KIF26B: variants seen among roughly 807,000 people sequenced by gnomAD.
KIF26B encodes kinesin-like protein KIF26B.
A neutral mutation model predicts 151.2 loss-of-function variants in KIF26B; 63 were observed. The ratio of observed to expected loss-of-function variants is 0.42; its 90% CI spans 0.34 to 0.51. The LOEUF is 0.51. KIF26B is among the 20% of genes least tolerant of loss of function. The pLI is 0.07. For missense variants in KIF26B, 2,813 were observed against 2,913.6 expected, an observed-to-expected ratio of 0.97 and a Z score of 0.79; for synonymous variants, 1,357 against 1,262.1, an observed-to-expected ratio of 1.08 and a Z score of -1.59.
At chr1:245,346,445 C>T (rs1222240154) in intron 2 of KIF26B, among the ~76,000 whole-genome samples, 1 of 152,142 alleles carries the variant, frequency 6.6e-6, no homozygotes, top group Non-Finnish European at 1.5e-5. Context: ...CATCTCTGGC[C>T]ACCAGATCAT....
chr1:245,653,969 G>C (rs2044047202), intron 10 of KIF26B, among the ~76,000 whole-genome samples: 1 of 152,110 alleles, frequency 6.6e-6, no homozygotes, highest in Non-Finnish European at 1.5e-5. Flanking sequence ...AGGCTGAGGT[G>C]GAAGGATCGC....
At chr1:245,632,018 T>C (rs1015495660) in intron 9 of KIF26B, among the ~76,000 whole-genome samples, 4 of 152,134 alleles carry the variant, frequency 2.6e-5, no homozygotes, top group African/African-American at 9.6e-5. Flanking sequence ...TGATCCTTTG[T>C]AATTTTTGTG....
At chr1:245,328,252 G>A (rs1672033628) in intron 2 of KIF26B, among the ~76,000 whole-genome samples, 1 of 151,220 alleles carries the variant, frequency 6.6e-6, no homozygotes, top group Non-Finnish European at 1.5e-5. Flanking sequence ...TTTGCAGGGG[G>A]GAGGGGGGTC....
In KIF26B at chr1:245,560,395, C is replaced by A. The variant is rs1404511620; in HGVS notation, c.1350+19445C>A. Reference sequence around the variant, plus strand: ...GTGCTGCCTGACAGCTTGCTATTTTCTTTCTTTCCTGTGAGATAAAAATGT... The same window carrying A: ...GTGCTGCCTGACAGCTTGCTATTTTATTTCTTTCCTGTGAGATAAAAATGT... On this transcript the variant is annotated intron_variant, in intron 5 of 14. Transcript: ENST00000407071. The surrounding 1 kb of genome is among the most constrained non-coding windows in gnomAD (Gnocchi z 4.3). Among the ~76,000 whole-genome samples, 1 of 152,104 alleles carries A rather than the reference C, an allele frequency of 6.6e-6. No individual in the cohort carries two copies. Among genetic ancestry groups the A allele is most frequent in the Admixed American group, 6.5e-5 (1 of 15,276 alleles).
At chr1:245,528,428 A>G (rs1661289347) in intron 4 of KIF26B, among the ~76,000 whole-genome samples, 1 of 152,076 alleles carries the variant, frequency 6.6e-6, no homozygotes, top group African/African-American at 2.4e-5. Context: ...GGGACTTTTT[A>G]CCTCTCATTG....
intron 2 of KIF26B, among the ~76,000 whole-genome samples, chr1:245,208,659 C>T (rs761681504): frequency 6.6e-6 from 1 of 152,212 alleles, no homozygotes; most frequent in Non-Finnish European, 1.5e-5. Flanking sequence ...CTTCTTGCCA[C>T]CCAGGACCCA....
intron 2 of KIF26B, among the ~76,000 whole-genome samples, chr1:245,290,852 G>A (rs1671242102): frequency 6.6e-6 from 1 of 152,204 alleles, no homozygotes; most frequent in African/African-American, 2.4e-5. Flanking sequence ...GCAAAACTTA[G>A]TGTCTTAAAA....
At position 245,560,604 on chromosome 1, in the gene KIF26B, T is replaced by C. The variant is rs1246216808; in HGVS notation, c.1350+19654T>C. Among the ~76,000 whole-genome samples, 1 of 152,146 alleles carries C rather than the reference T, an allele frequency of 6.6e-6. No homozygotes were observed. The highest frequency in any genetic ancestry group is 6.5e-5 in the Admixed American group (1 of 15,278). On this transcript the variant is annotated intron_variant, in intron 5 of 14. Coordinates refer to ENST00000407071, the MANE Select transcript of KIF26B (RefSeq NM_018012.4). The surrounding 1 kb of genome is among the most constrained non-coding windows in gnomAD (Gnocchi z 4.3). ...ACAGAGTGTGGAGGTTGAAAACATCTCAGCGCACTTCACGGAGGTTCTCAG... is the reference window on the plus strand; with the variant it reads ...ACAGAGTGTGGAGGTTGAAAACATCCCAGCGCACTTCACGGAGGTTCTCAG...
chr1:245,335,459 A>G (rs895174496), intron 2 of KIF26B, among the ~76,000 whole-genome samples: 2 of 150,446 alleles, frequency 1.3e-5, no homozygotes, highest in East Asian at 3.9e-4. Context: ...CATCTGAATG[A>G]GGTAGAATCT....
chr1:245,523,159 C>A (rs1239486843), intron 4 of KIF26B, among the ~76,000 whole-genome samples: 3 of 152,198 alleles, frequency 2.0e-5, no homozygotes, highest in African/African-American at 7.2e-5. Context: ...TTTGAAACCA[C>A]ACAGTTGGCT....
At chr1:245,431,390 G>A (rs1187735769) in intron 4 of KIF26B, among the ~76,000 whole-genome samples, 1 of 151,398 alleles carries the variant, frequency 6.6e-6, no homozygotes, top group East Asian at 1.9e-4. Context: ...TGTCGCCCAG[G>A]CTAGGGTGCA....
chr1:245,607,166 G>A (rs753266529), intron 6 of KIF26B, among the ~76,000 whole-genome samples: 8 of 151,820 alleles, frequency 5.3e-5, no homozygotes, highest in Non-Finnish European at 1.0e-4. Context: ...TCTTGCTTAC[G>A]TGAGAACTAC....
At position 245,375,720 on chromosome 1, in the gene KIF26B, T is replaced by C. The variant is rs986184057; in HGVS notation, c.999+8353T>C. Among the ~76,000 whole-genome samples the C allele has an allele frequency of 6.6e-6, 1 of 152,192 alleles. No homozygotes were observed. The highest frequency in any genetic ancestry group is 1.5e-5 in the Non-Finnish European group (1 of 68,040). On this transcript the variant is annotated intron_variant, in intron 3 of 14. Transcript: ENST00000407071. This position sits in a 1 kb window ranked among gnomAD's most constrained non-coding sequence, Gnocchi z 4.2. Reference sequence around the variant, plus strand: ...AGCAGCAATAGGAAGCTATTACAACTGGTGAGCCTTCTGTTAACTGAAAAG... The same window carrying C: ...AGCAGCAATAGGAAGCTATTACAACCGGTGAGCCTTCTGTTAACTGAAAAG...
intron 4 of KIF26B, among the ~76,000 whole-genome samples, chr1:245,522,113 C>CAT (rs1661138399): frequency 1.3e-5 from 2 of 152,140 alleles, no homozygotes; most frequent in Admixed American, 6.5e-5. Flanking sequence ...TCATGATCTG[C>CAT]CCGCCTTGGC....
intron 7 of KIF26B, 42 bp downstream of exon 7, chr1:245,607,786 CCT>C (rs2043472776): frequency 6.8e-7 from 1 of 1,476,752 alleles, no homozygotes; most frequent in Non-Finnish European, 9.3e-7. Context: ...CGTTGAGCTC[CCT>C]GTCATCCCAT....
chr1:245,426,745 C>T (rs1658658546), intron 4 of KIF26B, among the ~76,000 whole-genome samples: 1 of 152,186 alleles, frequency 6.6e-6, no homozygotes, highest in Admixed American at 6.5e-5. Flanking sequence ...GCCTTCAGGA[C>T]CACGTGGCTT....
intron 9 of KIF26B, among the ~76,000 whole-genome samples, chr1:245,643,308 T>G (rs2043913108): frequency 6.6e-6 from 1 of 152,202 alleles, no homozygotes; most frequent in South Asian, 2.1e-4. Context: ...TTTGCTTTCT[T>G]TTGGATTTAT....
chr1:245,559,966 C>T (rs767901857), intron 5 of KIF26B, among the ~76,000 whole-genome samples: 4 of 152,062 alleles, frequency 2.6e-5, no homozygotes, highest in Non-Finnish European at 4.4e-5. Context: ...ACGTGCCTCC[C>T]GTGCCTCCCT....
chr1:245,632,455 G>C (rs2043790777), intron 9 of KIF26B, among the ~76,000 whole-genome samples: 1 of 152,200 alleles, frequency 6.6e-6, no homozygotes, highest in Admixed American at 6.5e-5. Flanking sequence ...CTATCATGGA[G>C]AATATTCCAT....
Sources: allele counts gnomAD v4.1 joint callset (sites outside exome capture counted in the v4.1 genomes callset), GRCh38; gene constraint gnomAD v4.1.1; non-coding constraint Gnocchi (gnomAD v3.1); transcripts MANE v1.5; gene names NCBI Gene and HGNC (gene_info 2026-07-23, HGNC 2026-07-21).